NPAS3: variants seen among roughly 807,000 people sequenced by gnomAD.
NPAS3 encodes the protein neuronal PAS domain protein 3, also known as neuronal PAS domain-containing protein 3.
In NPAS3, 14 loss-of-function variants were observed where a neutral mutation model predicts 73.1. The ratio of observed to expected loss-of-function variants is 0.19; its 90% confidence interval spans 0.13 to 0.30. The LOEUF (loss-of-function observed/expected upper bound fraction) is 0.30. Ranked by LOEUF, NPAS3 falls within the 10% of genes least tolerant of loss-of-function variation. The probability of loss-of-function intolerance (pLI) is 1.00; values close to 1 mark genes in which losing one functional copy is unlikely to be tolerated. For missense variants in NPAS3, 1,096 were observed against 1,250.0 expected (o/e 0.88, Z 1.86); for synonymous variants, 620 against 541.5 (o/e 1.14, Z -2.01).
intron 6 of NPAS3, among the ~76,000 whole-genome samples, chr14:33,698,836 G>A (rs902914009): frequency 1.1e-4 from 17 of 152,326 alleles, no homozygotes; most frequent in South Asian, 2.1e-4. Flanking sequence ...AATAAAGGAT[G>A]AAGGTAAACC....
intron 2 of NPAS3, among the ~76,000 whole-genome samples, chr14:33,108,609 C>CA (rs1195167725): frequency 6.6e-6 from 1 of 152,120 alleles, no homozygotes; most frequent in African/African-American, 2.4e-5. Context: ...AAATCAATAT[C>CA]AAAATGTGTA....
chr14:33,065,320 A>C (rs1306196627), intron 2 of NPAS3, among the ~76,000 whole-genome samples: 2 of 152,146 alleles, frequency 1.3e-5, no homozygotes, highest in African/African-American at 4.8e-5. Flanking sequence ...CCATGTATGA[A>C]AAGTTAAACG....
At chr14:33,009,181 T>G (rs1392482753) in intron 1 of NPAS3, among the ~76,000 whole-genome samples, 1 of 152,112 alleles carries the variant, frequency 6.6e-6, no homozygotes, top group Non-Finnish European at 1.5e-5. Context: ...TAAATGCTAA[T>G]AAAAGAAATG....
chr14:33,484,492 T>C (rs998543082), intron 4 of NPAS3, among the ~76,000 whole-genome samples: 42 of 152,268 alleles, frequency 2.8e-4, no homozygotes, highest in African/African-American at 7.9e-4. Context: ...GCCAAATGCT[T>C]GACTCAGAGA....
chr14:33,409,282 T>A (rs1387808759), intron 4 of NPAS3, among the ~76,000 whole-genome samples: 1 of 152,154 alleles, frequency 6.6e-6, no homozygotes, highest in Non-Finnish European at 1.5e-5. Flanking sequence ...ATAGAAAATC[T>A]TAGTGCCTAT....
chr14:33,291,433 T>C (rs1176247668), intron 3 of NPAS3, among the ~76,000 whole-genome samples: 1 of 152,180 alleles, frequency 6.6e-6, no homozygotes, highest in Non-Finnish European at 1.5e-5. Context: ...CAGTCTGTCA[T>C]TAATATGTTC....
chr14:33,195,089 A>C (rs1430915890), intron 2 of NPAS3, among the ~76,000 whole-genome samples: 1 of 152,118 alleles, frequency 6.6e-6, no homozygotes, highest in Non-Finnish European at 1.5e-5. Flanking sequence ...ACAGCAACCA[A>C]CGTGTATTTG....
chr14:33,073,382 A>G (rs77869628), intron 2 of NPAS3, among the ~76,000 whole-genome samples: 1 of 152,134 alleles, frequency 6.6e-6, no homozygotes, highest in Non-Finnish European at 1.5e-5. Context: ...ATGCAGATAC[A>G]TGTGGAGTTA....
chr14:33,422,772 C>G (rs2048408263), intron 4 of NPAS3, among the ~76,000 whole-genome samples: 3 of 151,952 alleles, frequency 2.0e-5, no homozygotes, highest in South Asian at 4.1e-4. Flanking sequence ...ATGTTGAACT[C>G]TCTTTGAAAG....
intron 7 of NPAS3, among the ~76,000 whole-genome samples, chr14:33,748,939 A>G (rs1286564004): frequency 6.6e-6 from 1 of 152,164 alleles, no homozygotes; most frequent in African/African-American, 2.4e-5. Flanking sequence ...GAACTGTCAT[A>G]TTGCCTCGTG....
At chr14:32,992,523 A>T (rs1031774365) in intron 1 of NPAS3, among the ~76,000 whole-genome samples, 5 of 152,008 alleles carry the variant, frequency 3.3e-5, no homozygotes, top group African/African-American at 1.2e-4. Context: ...TGGCCTAGAA[A>T]CCACACTTGT....
At chr14:33,579,320 T>A (rs2056570563) in intron 5 of NPAS3, among the ~76,000 whole-genome samples, 1 of 152,188 alleles carries the variant, frequency 6.6e-6, no homozygotes, top group Non-Finnish European at 1.5e-5. Flanking sequence ...CTCTACTGGG[T>A]TTCAGTAATA....
At chr14:33,710,404 G>A (rs200129979) in intron 6 of NPAS3, among the ~76,000 whole-genome samples, 2 of 152,290 alleles carry the variant, frequency 1.3e-5, no homozygotes, top group East Asian at 3.9e-4. Context: ...TTGATAAAGG[G>A]TCATTTGTGA....
At chr14:33,378,399 T>A (rs947214394) in intron 4 of NPAS3, among the ~76,000 whole-genome samples, 12 of 152,092 alleles carry the variant, frequency 7.9e-5, no homozygotes, top group Admixed American at 2.0e-4. Flanking sequence ...ACATATTCCC[T>A]TTTTAAGTTT....
At chr14:32,980,771 G>A (rs1014981816) in intron 1 of NPAS3, among the ~76,000 whole-genome samples, 14 of 152,058 alleles carry the variant, frequency 9.2e-5, no homozygotes, top group South Asian at 2.1e-4. Flanking sequence ...ATCAAGTCAC[G>A]GAACATTGGT....
At position 33,137,763 on chromosome 14, in the gene NPAS3, G is replaced by C. The variant is rs149258463; in HGVS notation, c.141-77419G>C. Reference sequence around the variant, plus strand: ...ATGGCCCAGTATCTTTGTCGTGTTAGTTGGAAACATGAAAATATATGTGTT... The same window carrying C: ...ATGGCCCAGTATCTTTGTCGTGTTACTTGGAAACATGAAAATATATGTGTT... On this transcript the variant is annotated intron_variant, in intron 2 of 11. Coordinates refer to ENST00000356141, the Ensembl canonical transcript of NPAS3. 7.7e-4 allele frequency among the ~76,000 whole-genome samples: 117 copies of C among 152,242 alleles called. 1 individual carries two copies. In the East Asian group the frequency reaches 0.02, roughly 27 times the overall value.
intron 5 of NPAS3, among the ~76,000 whole-genome samples, chr14:33,621,979 G>A (rs1266651283): frequency 6.6e-6 from 1 of 152,128 alleles, no homozygotes; most frequent in Non-Finnish European, 1.5e-5. Context: ...AGCCAGAAAG[G>A]TCCAGTGTCA....
intron 6 of NPAS3, among the ~76,000 whole-genome samples, chr14:33,732,613 G>A (rs1365316872): frequency 6.6e-6 from 1 of 152,072 alleles, no homozygotes; most frequent in Admixed American, 6.5e-5. Context: ...TCTCTTTCTG[G>A]GTTGCCCTGT....
chr14:33,517,401 AT>A (rs2140068927), intron 4 of NPAS3, among the ~76,000 whole-genome samples: 1 of 152,176 alleles, frequency 6.6e-6, no homozygotes, highest in South Asian at 2.1e-4. Context: ...CATGGCTTTC[AT>A]TTGAGTTATG....
Sources: gnomAD v4.1 joint callset for allele counts (sites outside exome capture counted in the v4.1 genomes callset) on GRCh38, gnomAD v4.1.1 for gene constraint, MANE v1.5 for transcripts, NCBI Gene and HGNC (gene_info 2026-07-23, HGNC 2026-07-21) for gene names.